Variants in HEATR3 observed in about 807,000 individuals in gnomAD.
HEATR3 encodes HEAT repeat containing 3.
A neutral mutation model predicts 72.8 loss-of-function variants in HEATR3; 56 were observed. That is an observed-to-expected ratio of 0.77 (90% confidence interval 0.62 to 0.96). The LOEUF (loss-of-function observed/expected upper bound fraction) is 0.96, where lower values mean the gene tolerates loss of function less well. Among genes scored for constraint, HEATR3 ranks in the 40% least tolerant of loss-of-function variants. The pLI, the probability that HEATR3 is intolerant of heterozygous loss-of-function variation, is 0.00. For missense variants in HEATR3, 747 were observed against 831.4 expected (o/e 0.90, Z 1.25); for synonymous variants, 331 against 318.1 (o/e 1.04, Z -0.43).
chr16:50,088,002 C>T (rs953669335), intron 11 of HEATR3, among the ~76,000 whole-genome samples: 11 of 152,140 alleles, frequency 7.2e-5, no homozygotes, highest in African/African-American at 2.2e-4. Flanking sequence ...TGGCAGGCAC[C>T]TGTAATCCCA....
intron 14 of HEATR3, 88 bp from the exon 15 acceptor site, chr16:50,104,851 G>A (rs963047188): frequency 8.0e-7 from 1 of 1,246,136 alleles, no homozygotes; most frequent in African/African-American, 1.6e-5. Flanking sequence ...TCAGCAAATG[G>A]TTAAATACAC....
At position 50,081,285 on chromosome 16, in the gene HEATR3, C is replaced by G. The variant is rs1304570162; in HGVS notation, c.1041+2267C>G. 3.3e-5 allele frequency among the ~76,000 whole-genome samples: 5 copies of G among 152,056 alleles called. No homozygotes were observed. In the East Asian group the frequency reaches 9.7e-4, roughly 29 times the overall value. ...TGAAACCCCATCTCTACTAAAAATA[C>G]AAAAATTAGGTAGGTGTGGTGGCAT... On this transcript the variant is annotated intron_variant, in intron 7 of 14. Coordinates refer to ENST00000299192, the MANE Select transcript of HEATR3 (RefSeq NM_182922.4).
chr16:50,103,060 G>A (rs912380154), intron 14 of HEATR3, among the ~76,000 whole-genome samples: 1 of 152,230 alleles, frequency 6.6e-6, no homozygotes, highest in East Asian at 1.9e-4. Flanking sequence ...ACTGTGCCCA[G>A]CCATATTGTT....
In HEATR3 at chr16:50,086,269, C is replaced by A; in HGVS notation, c.1428C>A (p.Leu476=). The A allele has an allele frequency of 3.2e-6, 5 of 1,584,548 alleles. No homozygotes were observed. The highest frequency in any genetic ancestry group is 4.3e-6 in the Non-Finnish European group (5 of 1,164,178). The stretch of plus-strand genomic sequence containing the variant: ...TCTGTCTCCAGAGTCTTGTGTCCCT[C>A]CTGGATGTGGAGCACCTGGGAGGAG... ...ALFCLQSLVS[L]LDVEHLGGAA... The change falls in exon 11 of 15, where the codon CTC becomes CTA. Residue 476 remains leucine (L), a synonymous_variant. Coordinates refer to ENST00000299192, the MANE Select transcript of HEATR3 (RefSeq NM_182922.4).
chr16:50,099,962 C>T (rs1358084295), intron 12 of HEATR3, among the ~76,000 whole-genome samples: 2 of 152,190 alleles, frequency 1.3e-5, no homozygotes, highest in African/African-American at 4.8e-5. Context: ...GTGTGTACAT[C>T]TGGAATGAAA....
At chr16:50,079,296 T>C (rs1056625553) in intron 7 of HEATR3, among the ~76,000 whole-genome samples, 1 of 152,206 alleles carries the variant, frequency 6.6e-6, no homozygotes, top group Non-Finnish European at 1.5e-5. Flanking sequence ...AAATAGATGA[T>C]CACCTTCGTA....
chr16:50,097,157 CTATATT>C (rs1597174304), intron 12 of HEATR3, among the ~76,000 whole-genome samples: 1 of 151,900 alleles, frequency 6.6e-6, no homozygotes, highest in East Asian at 1.9e-4. Flanking sequence ...TATATATTTC[CTATATT>C]TATATCACAA....
Position 50,105,267 on chromosome 16 carries a change from T to A in HEATR3, c.*206T>A. 2.2e-6 allele frequency: 1 copy of A among 462,548 alleles called. No individual in the cohort carries two copies. The highest frequency in any genetic ancestry group is 3.8e-6 in the Non-Finnish European group (1 of 263,386). The allele number at this position is 462,548 out of a possible 1,614,324, so 28.7% of individuals were successfully genotyped here. A position where few individuals can be genotyped will look rare whatever the true frequency, so the allele number is the denominator to read the frequency against. The stretch of plus-strand genomic sequence containing the variant: ...GGGAGACCGAGGCGGGTGGATCACT[T>A]GAGGTCAGGAGTTTGAGGCCAGCCT... On this transcript the variant is annotated 3_prime_UTR_variant, in exon 15 of 15. Transcript: ENST00000299192.
chr16:50,088,215 A>T (rs2037031094), intron 11 of HEATR3, among the ~76,000 whole-genome samples: 1 of 152,234 alleles, frequency 6.6e-6, no homozygotes, highest in Admixed American at 6.5e-5. Context: ...TTCTTTAGAC[A>T]TCTGTTTTAC....
chr16:50,102,149 C>A, intron 13 of HEATR3, 110 bp from the exon 14 acceptor site: 1 of 817,462 alleles, frequency 1.2e-6, no homozygotes, highest in Non-Finnish European at 1.9e-6. Context: ...TTTAATTTTT[C>A]CCTGGCATTT....
chr16:50,076,109 T>C (rs1203986864), intron 6 of HEATR3, among the ~76,000 whole-genome samples: 1 of 152,182 alleles, frequency 6.6e-6, no homozygotes, highest in Non-Finnish European at 1.5e-5. Context: ...GTATGTACTT[T>C]ATTTAGTTTA....
intron 5 of HEATR3, 30 bp from the exon 6 acceptor site, chr16:50,075,541 G>C (rs776445406): frequency 1.3e-6 from 2 of 1,590,416 alleles, no homozygotes; most frequent in South Asian, 1.1e-5. Context: ...GAATTCATTT[G>C]TTTCTAAATA....
At chr16:50,103,758 G>A (rs1166859000) in intron 14 of HEATR3, among the ~76,000 whole-genome samples, 6 of 152,180 alleles carry the variant, frequency 3.9e-5, no homozygotes, top group Non-Finnish European at 8.8e-5. Context: ...AGGCGCAGTG[G>A]CTCACACCTG....
At chr16:50,094,837 G>A (rs1342209579) in intron 12 of HEATR3, 44 bp downstream of exon 12, 1 of 1,181,018 alleles carries the variant, frequency 8.5e-7, no homozygotes, top group Non-Finnish European at 1.2e-6. Flanking sequence ...TAAAGATTGT[G>A]TATTATGGAG....
rs1018029658 is a variant in HEATR3 at position 50,089,265 on chromosome 16, T to G, written c.1510+2914T>G. Among the ~76,000 whole-genome samples the G allele has an allele frequency of 1.8e-4, 27 of 152,300 alleles. 1 individual carries two copies. The South Asian group carries it at 5.6e-3, about 32-fold the overall frequency. ...ATGTGACATGCTGCTAGGTTAAGAATGCTTTTGTGTATCCTGAGGGTCTTG... is the reference window on the plus strand; with the variant it reads ...ATGTGACATGCTGCTAGGTTAAGAAGGCTTTTGTGTATCCTGAGGGTCTTG... On this transcript the variant is annotated intron_variant, in intron 11 of 14. Coordinates refer to ENST00000299192, the MANE Select transcript of HEATR3 (RefSeq NM_182922.4).
chr16:50,075,411 T>A (rs2036703031), intron 5 of HEATR3, among the ~76,000 whole-genome samples, 160 bp from the exon 6 acceptor site: 1 of 152,114 alleles, frequency 6.6e-6, no homozygotes, highest in Non-Finnish European at 1.5e-5. Flanking sequence ...GGAAGCCTCA[T>A]TTGCGCATAT....
At chr16:50,082,909 G>A (rs1476895905) in intron 7 of HEATR3, among the ~76,000 whole-genome samples, 1 of 151,604 alleles carries the variant, frequency 6.6e-6, no homozygotes, top group African/African-American at 2.4e-5. Flanking sequence ...TCCTGCCTTG[G>A]CCTCCCAAGT....
chr16:50,090,180 C>A (rs1002002891), intron 11 of HEATR3, among the ~76,000 whole-genome samples: 11 of 152,024 alleles, frequency 7.2e-5, no homozygotes, highest in African/African-American at 2.7e-4. Context: ...CATAGTGATA[C>A]CCTGTCTCCT....
Position 50,086,324 on chromosome 16 carries a change from C to T in HEATR3, c.1483C>T (p.Leu495=), listed in dbSNP as rs772474863. The T allele has an allele frequency of 1.9e-6, 3 of 1,599,856 alleles. No individual in the cohort carries two copies. Among genetic ancestry groups the T allele is most frequent in the Non-Finnish European group, 1.7e-6 (2 of 1,173,092 alleles). The change falls in exon 11 of 15, where the codon CTG becomes TTG. Residue 495 remains leucine, a synonymous_variant. Transcript: ENST00000299192. ...AAALQTLAQH[L]SQLLFSQPDF... The stretch of plus-strand genomic sequence containing the variant: ...AGCCCTTCAGACGCTTGCACAGCAT[C>T]TGTCACAGCTGCTTTTTTCTCAACC...
Sources: gnomAD v4.1 joint callset for allele counts (sites outside exome capture counted in the v4.1 genomes callset) on GRCh38, gnomAD v4.1.1 for gene constraint, MANE v1.5 for transcripts, NCBI Gene and HGNC (gene_info 2026-07-23, HGNC 2026-07-21) for gene names.